The following OSBPL9 variants were observed in gnomAD, a reference collection of about 807,000 sequenced individuals.
OSBPL9 encodes the protein oxysterol binding protein like 9, also known as oxysterol-binding protein-related protein 9.
OSBPL9 carries 40 observed loss-of-function variants against 106.6 expected under a neutral mutation model. The observed-to-expected ratio is 0.38, with a 90% CI of 0.29 to 0.49. The LOEUF is 0.49. Ranked by LOEUF, OSBPL9 falls within the 20% of genes least tolerant of loss-of-function variation. OSBPL9 has a pLI of 0.97. For missense variants in OSBPL9, 609 were observed against 887.2 expected (o/e 0.69, Z 3.98); for synonymous variants, 269 against 295.4 (o/e 0.91, Z 0.92).
At chr1:51,636,490 G>A (rs1645458009) in intron 1 of OSBPL9, among the ~76,000 whole-genome samples, 1 of 151,816 alleles carries the variant, frequency 6.6e-6, no homozygotes, top group Non-Finnish European at 1.5e-5. Flanking sequence ...GGTGCACACT[G>A]CCACACCAGG....
chr1:51,657,673 G>A (rs576600391), intron 2 of OSBPL9, among the ~76,000 whole-genome samples: 25 of 152,250 alleles, frequency 1.6e-4, no homozygotes, highest in African/African-American at 5.5e-4. Context: ...GCCACTAGAC[G>A]GTGCCCTTTC....
chr1:51,540,046 T>A, the OSBPL9 span, among the ~76,000 whole-genome samples: 2 of 152,160 alleles, frequency 1.3e-5, no homozygotes, highest in Non-Finnish European at 2.9e-5. Context: ...GCCTTAAACA[T>A]CCTCTATCTC....
At chr1:51,709,396 G>T in intron 3 of OSBPL9, 1 of 202,296 alleles carries the variant, frequency 4.9e-6, no homozygotes, top group Non-Finnish European at 1.1e-5. Context: ...CAGTTCTGGA[G>T]ATATTTTGCA....
intron 12 of OSBPL9, among the ~76,000 whole-genome samples, chr1:51,766,426 T>A (rs1484438845): frequency 3.3e-5 from 5 of 152,202 alleles, no homozygotes. Context: ...AGCCAGGCAC[T>A]GTGCTAGGTT....
chr1:51,677,413 T>C (rs1412360250), intron 3 of OSBPL9, among the ~76,000 whole-genome samples: 1 of 152,234 alleles, frequency 6.6e-6, no homozygotes, highest in Non-Finnish European at 1.5e-5. Context: ...TCCTAACCTA[T>C]ATATTAGGCA....
At chr1:51,645,209 G>A (rs1218197184) in intron 1 of OSBPL9, among the ~76,000 whole-genome samples, 1 of 152,086 alleles carries the variant, frequency 6.6e-6, no homozygotes, top group African/African-American at 2.4e-5. Flanking sequence ...TGTTATAGTA[G>A]CACAAGATGC....
intron 12 of OSBPL9, among the ~76,000 whole-genome samples, chr1:51,767,997 A>C (rs1238783101): frequency 4.1e-5 from 5 of 120,594 alleles, no homozygotes; most frequent in Non-Finnish European, 7.9e-5. Flanking sequence ...GCTGGAGTGC[A>C]GTGGCGCCAT....
the OSBPL9 span, among the ~76,000 whole-genome samples, chr1:51,544,197 T>C: frequency 6.6e-6 from 1 of 152,142 alleles, no homozygotes; most frequent in Non-Finnish European, 1.5e-5. Context: ...GTTTATTTCA[T>C]ATGAGAGAAG....
chr1:51,714,674 A>G (rs1660709608), intron 4 of OSBPL9, among the ~76,000 whole-genome samples: 1 of 152,172 alleles, frequency 6.6e-6, no homozygotes, highest in Non-Finnish European at 1.5e-5. Flanking sequence ...TGGTGGTGGT[A>G]AGGTGGTTGT....
intron 1 of OSBPL9, among the ~76,000 whole-genome samples, chr1:51,620,554 G>C (rs1644361575): frequency 6.6e-6 from 1 of 152,148 alleles, no homozygotes; most frequent in Non-Finnish European, 1.5e-5. Flanking sequence ...TGACTTGAAT[G>C]ATGAGGAGAG....
chr1:51,723,603 G>T (rs1251561584), intron 4 of OSBPL9, among the ~76,000 whole-genome samples: 3 of 151,642 alleles, frequency 2.0e-5, no homozygotes, highest in African/African-American at 7.3e-5. Context: ...CTGGAGTGCA[G>T]TGGCCCAATC....
chr1:51,691,589 A>G (rs1229093358), intron 3 of OSBPL9, among the ~76,000 whole-genome samples: 4 of 151,982 alleles, frequency 2.6e-5, no homozygotes, highest in Non-Finnish European at 5.9e-5. Context: ...CCCAGCCATT[A>G]GCTTGCTGTA....
intron 1 of OSBPL9, among the ~76,000 whole-genome samples, chr1:51,578,105 C>T (rs141748811): frequency 3.6e-4 from 55 of 152,312 alleles, no homozygotes; most frequent in African/African-American, 1.3e-3. Context: ...CAGTATTTAG[C>T]ACAGAGTAAT....
intron 4 of OSBPL9, among the ~76,000 whole-genome samples, chr1:51,743,933 A>G (rs1294031414): frequency 6.6e-6 from 1 of 152,192 alleles, no homozygotes; most frequent in Non-Finnish European, 1.5e-5. Flanking sequence ...ACACAGTTTT[A>G]TAAATATATC....
chr1:51,710,151 G>A (rs1659504963), intron 3 of OSBPL9, among the ~76,000 whole-genome samples: 2 of 152,104 alleles, frequency 1.3e-5, no homozygotes, highest in South Asian at 4.1e-4. Context: ...TGATTACTGG[G>A]GGTGGGAAAA....
At chr1:51,622,258 A>G (rs1275704549) in intron 1 of OSBPL9, among the ~76,000 whole-genome samples, 1 of 152,196 alleles carries the variant, frequency 6.6e-6, no homozygotes, top group Admixed American at 6.5e-5. Context: ...GCTTGGGACA[A>G]AAATCTGGGC....
intron 4 of OSBPL9, among the ~76,000 whole-genome samples, chr1:51,714,894 G>A (rs1045636742): frequency 3.9e-5 from 6 of 152,162 alleles, no homozygotes; most frequent in African/African-American, 1.2e-4. Context: ...GGTAGAAGGT[G>A]TGTTCATCCT....
the OSBPL9 span, among the ~76,000 whole-genome samples, chr1:51,567,019 T>C: frequency 6.6e-6 from 1 of 152,340 alleles, no homozygotes; most frequent in South Asian, 2.1e-4. Context: ...CCTCTCTCCA[T>C]GCTCCCACTT....
At chr1:51,699,210 T>G (rs1326867882) in intron 3 of OSBPL9, among the ~76,000 whole-genome samples, 1 of 152,146 alleles carries the variant, frequency 6.6e-6, no homozygotes, top group East Asian at 1.9e-4. Context: ...CATGTATACA[T>G]TAGTCCTGCT....
Sources: allele counts gnomAD v4.1 joint callset (sites outside exome capture counted in the v4.1 genomes callset), GRCh38; gene constraint gnomAD v4.1.1; transcripts MANE v1.5; gene names NCBI Gene and HGNC (gene_info 2026-07-23, HGNC 2026-07-21).